Variants in MYT1L observed in about 807,000 individuals in gnomAD.
The protein encoded by MYT1L is myelin transcription factor 1-like protein.
MYT1L carries 12 observed loss-of-function variants against 126.7 expected under a neutral mutation model. That is an observed-to-expected ratio of 0.09 (90% CI 0.06 to 0.15). MYT1L has a LOEUF of 0.15. Ranked by LOEUF, MYT1L falls within the 10% of genes least tolerant of loss-of-function variation. The pLI is 1.00. For synonymous variants in MYT1L, 541 were observed against 604.2 expected, an observed-to-expected ratio of 0.90 and a Z score of 1.53; for missense variants, 979 against 1,585.2, an observed-to-expected ratio of 0.62 and a Z score of 6.49.
intron 2 of MYT1L, among the ~76,000 whole-genome samples, chr2:2,271,301 C>T (rs1439188807): frequency 6.6e-6 from 1 of 152,202 alleles, no homozygotes; most frequent in Admixed American, 6.5e-5. Flanking sequence ...CTGAGGAAGG[C>T]TTTATGGAGC....
intron 3 of MYT1L, among the ~76,000 whole-genome samples, chr2:2,115,116 T>G (rs532183604): frequency 5.8e-4 from 89 of 152,360 alleles, no homozygotes; most frequent in Admixed American, 1.9e-3. Flanking sequence ...ACCACCCGGC[T>G]GTTAACACTT....
Position 1,790,381 on chromosome 2 carries a change from A to T in MYT1L, c.*1486T>A, listed in dbSNP as rs986836124. On this transcript the variant is annotated 3_prime_UTR_variant, in exon 25 of 25. Transcript: ENST00000647738. Reference sequence around the variant, plus strand: ...ACAACACGTCGTCAAAGGACTACTCAGAAGGGGGAACACAGCGCTCAAAAG... The same window carrying T: ...ACAACACGTCGTCAAAGGACTACTCTGAAGGGGGAACACAGCGCTCAAAAG... The T allele has an allele frequency of 7.9e-5, 12 of 152,250 alleles. No individual in the cohort carries two copies. 9.4% of individuals were successfully genotyped at this position (152,250 alleles called of 1,614,324 possible). A position where few individuals can be genotyped will look rare whatever the true frequency, so the allele number is the denominator to read the frequency against.
At chr2:1,983,372 A>G (rs1403678013) in intron 5 of MYT1L, among the ~76,000 whole-genome samples, 1 of 152,260 alleles carries the variant, frequency 6.6e-6, no homozygotes, top group African/African-American at 2.4e-5. Flanking sequence ...ATGAAACCCA[A>G]ATCTGAAGGG....
intron 2 of MYT1L, among the ~76,000 whole-genome samples, chr2:2,263,777 G>T (rs1191428777): frequency 2.6e-5 from 4 of 152,086 alleles, no homozygotes; most frequent in African/African-American, 9.7e-5. Flanking sequence ...CTAGTTGGAG[G>T]GGCCAGTGAC....
chr2:2,180,546 C>A (rs2091309219), intron 2 of MYT1L, among the ~76,000 whole-genome samples: 1 of 151,154 alleles, frequency 6.6e-6, no homozygotes, highest in African/African-American at 2.4e-5. Flanking sequence ...GCACCTGTAT[C>A]TGTACCTGTG....
chr2:2,237,666 G>T (rs764178124), intron 2 of MYT1L, among the ~76,000 whole-genome samples: 55 of 152,134 alleles, frequency 3.6e-4, no homozygotes, highest in Admixed American at 1.8e-3. Flanking sequence ...CACTCAGTGG[G>T]TGCCAGGCCC....
intron 2 of MYT1L, among the ~76,000 whole-genome samples, chr2:2,265,160 T>G (rs1363603689): frequency 1.3e-5 from 2 of 151,924 alleles, no homozygotes; most frequent in African/African-American, 4.8e-5. Flanking sequence ...CCCAAGTAGC[T>G]GGGATTACAG....
chr2:2,229,034 A>G (rs1279261677), intron 2 of MYT1L, among the ~76,000 whole-genome samples: 1 of 152,214 alleles, frequency 6.6e-6, no homozygotes, highest in Non-Finnish European at 1.5e-5. Flanking sequence ...GAACTCAGCC[A>G]GGTATTTTCT....
intron 5 of MYT1L, among the ~76,000 whole-genome samples, 154 bp downstream of exon 5, chr2:1,997,037 T>C (rs1426905954): frequency 2.1e-5 from 3 of 146,312 alleles, no homozygotes; most frequent in African/African-American, 7.7e-5. Context: ...CAGAACCGAG[T>C]GTAGACGGGC....
intron 19 of MYT1L, among the ~76,000 whole-genome samples, chr2:1,843,191 A>C (rs28507548): frequency 0.48 from 73,192 of 152,122 alleles, 19,673 homozygotes; most frequent in African/African-American, 0.73. Context: ...TGCATCCTGC[A>C]AGAAGCCTGG....
chr2:1,864,557 C>T (rs775476636), intron 18 of MYT1L, among the ~76,000 whole-genome samples: 8 of 152,308 alleles, frequency 5.3e-5, no homozygotes, highest in Admixed American at 2.0e-4. Context: ...GTCCCCCAGT[C>T]GCCGTCCCCA....
At chr2:1,870,640 C>G (rs1238347926) in intron 18 of MYT1L, among the ~76,000 whole-genome samples, 2 of 152,140 alleles carry the variant, frequency 1.3e-5, no homozygotes, top group African/African-American at 4.8e-5. Context: ...AACTCTGAAT[C>G]ATGCTGTTGT....
chr2:1,926,448 A>G (rs1442925280), intron 9 of MYT1L, among the ~76,000 whole-genome samples: 1 of 152,188 alleles, frequency 6.6e-6, no homozygotes, highest in Non-Finnish European at 1.5e-5. Flanking sequence ...GGCATGGGCT[A>G]TGGGAACTAG....
intron 1 of MYT1L, among the ~76,000 whole-genome samples, chr2:2,302,499 A>G (rs1037680178): frequency 2.0e-5 from 3 of 152,170 alleles, no homozygotes; most frequent in Non-Finnish European, 2.9e-5. Context: ...TTTTTGCCAG[A>G]TCTCAAGAAA....
intron 3 of MYT1L, among the ~76,000 whole-genome samples, chr2:2,161,027 C>T (rs1443154131): frequency 6.6e-6 from 1 of 151,958 alleles, no homozygotes; most frequent in African/African-American, 2.4e-5. Flanking sequence ...GACCATCCTG[C>T]CCAACGTGGT....
chr2:1,944,851 GA>G (rs1468407023), intron 8 of MYT1L, among the ~76,000 whole-genome samples: 1 of 152,204 alleles, frequency 6.6e-6, no homozygotes, highest in Non-Finnish European at 1.5e-5. Flanking sequence ...ATGAAAGGAT[GA>G]AGTGTGATAA....
intron 18 of MYT1L, among the ~76,000 whole-genome samples, chr2:1,861,050 C>G (rs1005038853): frequency 6.6e-6 from 1 of 152,094 alleles, no homozygotes; most frequent in Non-Finnish European, 1.5e-5. Context: ...AGGGAAGCGG[C>G]GACAATGGCC....
chr2:1,859,500 G>A (rs552186128), intron 18 of MYT1L, among the ~76,000 whole-genome samples: 12 of 152,340 alleles, frequency 7.9e-5, no homozygotes, highest in African/African-American at 2.9e-4. Context: ...CAAAGTTCTG[G>A]TTGTAGGGCC....
chr2:1,914,586 G>A (rs2052546241), intron 11 of MYT1L, among the ~76,000 whole-genome samples: 1 of 152,058 alleles, frequency 6.6e-6, no homozygotes, highest in Non-Finnish European at 1.5e-5. Flanking sequence ...CCCAAACCCT[G>A]CAGAATATCA....
Sources: allele counts gnomAD v4.1 joint callset (sites outside exome capture counted in the v4.1 genomes callset), GRCh38; gene constraint gnomAD v4.1.1; transcripts MANE v1.5; gene names NCBI Gene and HGNC (gene_info 2026-07-23, HGNC 2026-07-21).